The following ZNF248 variants were observed in gnomAD, a reference collection of about 807,000 sequenced individuals.
ZNF248 encodes the protein KRAB protein domain.
In ZNF248, 20 loss-of-function variants were observed where a neutral mutation model predicts 44.3. The ratio of observed to expected loss-of-function variants is 0.45; its 90% CI spans 0.32 to 0.66. ZNF248 has a LOEUF of 0.66. ZNF248 is among the 30% of genes least tolerant of loss of function. The probability of loss-of-function intolerance (pLI) is 0.04; values close to 1 mark genes in which losing one functional copy is unlikely to be tolerated. For synonymous variants in ZNF248, 224 were observed against 229.0 expected (o/e 0.98, Z 0.20); for missense variants, 654 against 677.0 (o/e 0.97, Z 0.38).
At chr10:37,776,897 G>T (rs1177479523) in intron 6 of ZNF248, among the ~76,000 whole-genome samples, 1 of 152,124 alleles carries the variant, frequency 6.6e-6, no homozygotes. Context: ...CAGTTTTCTT[G>T]TTTGTCAAGA....
chr10:37,769,548 A>G, the ZNF248 span, among the ~76,000 whole-genome samples: 1 of 152,224 alleles, frequency 6.6e-6, no homozygotes, highest in South Asian at 2.1e-4. Flanking sequence ...TAGATGCAGA[A>G]AAGGCCTTTG....
intron 6 of ZNF248, among the ~76,000 whole-genome samples, chr10:37,818,125 C>T (rs189344353): frequency 1.2e-3 from 184 of 152,080 alleles, no homozygotes; most frequent in Admixed American, 3.1e-3. Flanking sequence ...ACTGTGTTAG[C>T]CAGGATGGTC....
chr10:37,854,960 G>A (rs917501028), intron 3 of ZNF248, among the ~76,000 whole-genome samples: 3 of 152,150 alleles, frequency 2.0e-5, no homozygotes, highest in Admixed American at 6.5e-5. Context: ...CAGAATAAAG[G>A]ACCCCATCCA....
At chr10:37,759,693 G>T in the ZNF248 span, among the ~76,000 whole-genome samples, 2 of 152,194 alleles carry the variant, frequency 1.3e-5, no homozygotes, top group Middle Eastern at 3.2e-3. Context: ...TTAGAATGTT[G>T]CTCAGTCAGA....
At chr10:37,813,153 T>C (rs2051827207) in intron 6 of ZNF248, among the ~76,000 whole-genome samples, 1 of 152,028 alleles carries the variant, frequency 6.6e-6, no homozygotes, top group South Asian at 2.1e-4. Context: ...GATGAGCACT[T>C]CCAAAGCCCG....
At position 37,820,814 on chromosome 10, in the gene ZNF248, A is replaced by G. The variant is rs1325340916; in HGVS notation, c.330+12211T>C. On this transcript the variant is annotated intron_variant, in intron 6 of 6. Transcript: ENST00000615949. ...CCTTCATTTTGCCTTTTGTTTCCTG[A>G]TTTTCCAACTCTTGAATATTTCCCA... The G allele has an allele frequency of 5.9e-6, 7 of 1,188,526 alleles. No homozygotes were observed. In the East Asian group the frequency reaches 1.4e-4, roughly 24 times the overall value. The allele number at this position is 1,188,526 out of a possible 1,614,324, so 73.6% of individuals were successfully genotyped here. A position where few individuals can be genotyped will look rare whatever the true frequency, so the allele number is the denominator to read the frequency against.
At chr10:37,777,598 A>G (rs2046737840) in intron 6 of ZNF248, among the ~76,000 whole-genome samples, 1 of 149,272 alleles carries the variant, frequency 6.7e-6, no homozygotes, top group Admixed American at 6.7e-5. Flanking sequence ...GGTTAGTTAC[A>G]TATGTATACA....
At chr10:37,764,588 G>A in the ZNF248 span, among the ~76,000 whole-genome samples, 4,198 of 152,086 alleles carry the variant, frequency 0.028, 145 homozygotes, top group African/African-American at 0.083. Context: ...AGAAGCTGCC[G>A]ACATGTGATG....
chr10:37,856,233 A>G, intron 3 of ZNF248, 63 bp downstream of exon 3: 1 of 1,555,460 alleles, frequency 6.4e-7, no homozygotes, highest in East Asian at 2.2e-5. Flanking sequence ...CAAAACATAA[A>G]CCCTTATAAA....
intron 6 of ZNF248, among the ~76,000 whole-genome samples, chr10:37,793,380 T>C (rs998877306): frequency 6.6e-6 from 1 of 152,030 alleles, no homozygotes; most frequent in East Asian, 1.9e-4. Flanking sequence ...ATAAAGCAGA[T>C]GGAAACATAA....
At chr10:37,778,460 C>A (rs1439912062) in intron 6 of ZNF248, among the ~76,000 whole-genome samples, 3 of 151,394 alleles carry the variant, frequency 2.0e-5, no homozygotes, top group Non-Finnish European at 1.5e-5. Context: ...GAGTAGGTTG[C>A]GAAAATTTTC....
intron 6 of ZNF248, among the ~76,000 whole-genome samples, chr10:37,821,474 G>A (rs1044713659): frequency 3.3e-5 from 5 of 152,296 alleles, no homozygotes; most frequent in African/African-American, 1.2e-4. Context: ...CCTCAGTCCA[G>A]CTCTTACTAG....
At chr10:37,820,759 T>C in intron 6 of ZNF248, 1 of 1,278,440 alleles carries the variant, frequency 7.8e-7, no homozygotes, top group Non-Finnish European at 1.1e-6. Flanking sequence ...CACTATTAAG[T>C]GGTCCCTTTT....
intron 6 of ZNF248, chr10:37,784,028 G>C (rs953602841): frequency 2.0e-5 from 3 of 152,336 alleles, no homozygotes; most frequent in African/African-American, 7.2e-5. Flanking sequence ...TGGTCAGGCT[G>C]GTCTTGAACT....
In ZNF248 at chr10:37,820,023, C is replaced by T. The variant is rs893517431; in HGVS notation, c.330+13002G>A. On this transcript the variant is annotated intron_variant, in intron 6 of 6. Coordinates refer to the ZNF248 transcript ENST00000615949. ...ATGCCATCTTCTCTTTTTGACTTTTCTATGAGGACTTTCTTGCTCATTGTC... is the reference window on the plus strand; with the variant it reads ...ATGCCATCTTCTCTTTTTGACTTTTTTATGAGGACTTTCTTGCTCATTGTC... 6.3e-6 allele frequency: 5 copies of T among 792,602 alleles called. No homozygotes were observed. In the African/African-American group the frequency reaches 6.8e-5, roughly 11 times the overall value. 49.1% of individuals were successfully genotyped at this position (792,602 alleles called of 1,614,324 possible).
Position 37,832,128 on chromosome 10 carries a change from T to C in ZNF248, c.1227A>G (p.Glu409=). 5 of 1,614,000 alleles carry C rather than the reference T, an allele frequency of 3.1e-6. No individual in the cohort carries two copies. The highest frequency in any genetic ancestry group is 4.2e-6 in the Non-Finnish European group (5 of 1,179,924). The change falls in exon 6 of 6, where the codon GAA becomes GAG. Residue 409 remains glutamate (E), a synonymous_variant. Coordinates refer to ENST00000395867, the MANE Select transcript of ZNF248 (RefSeq NM_021045.3). ...AAAAGGCTTTCCCACATTCAGTACATTCATAGGGCTTCTCTCCTGTGTGTG... is the reference window on the plus strand; with the variant it reads ...AAAAGGCTTTCCCACATTCAGTACACTCATAGGGCTTCTCTCCTGTGTGTG... ...QRTHTGEKPY[E]CTECGKAFCQ... is the part of the protein sequence containing the mutation.
At chr10:37,810,552 T>A (rs2051327768) in intron 6 of ZNF248, among the ~76,000 whole-genome samples, 1 of 152,118 alleles carries the variant, frequency 6.6e-6, no homozygotes, top group African/African-American at 2.4e-5. Flanking sequence ...TCCAACATAT[T>A]GGAAAAGTTT....
intron 6 of ZNF248, among the ~76,000 whole-genome samples, chr10:37,790,831 C>A (rs569064014): frequency 2.7e-5 from 4 of 150,254 alleles, no homozygotes; most frequent in African/African-American, 9.7e-5. Flanking sequence ...GAGATAGGAA[C>A]ATTGCTTGAG....
intron 3 of ZNF248, 140 bp downstream of exon 3, chr10:37,856,156 T>C: frequency 1.1e-6 from 1 of 907,250 alleles, no homozygotes; most frequent in East Asian, 2.5e-5. Flanking sequence ...CTGCACTATT[T>C]TGGATTTGCT....
Sources: allele counts gnomAD v4.1 joint callset (sites outside exome capture counted in the v4.1 genomes callset), GRCh38; gene constraint gnomAD v4.1.1; transcripts MANE v1.5; gene names NCBI Gene and HGNC (gene_info 2026-07-23, HGNC 2026-07-21).